The following TIAM1 variants were observed in gnomAD, a reference collection of about 807,000 sequenced individuals.
The protein encoded by TIAM1 is rho guanine nucleotide exchange factor TIAM1.
TIAM1 carries 65 observed loss-of-function variants against 163.5 expected under a neutral mutation model. That is an observed-to-expected ratio of 0.40 (90% confidence interval 0.33 to 0.49). TIAM1 has a LOEUF of 0.49. Ranked by LOEUF, TIAM1 falls within the 20% of genes least tolerant of loss-of-function variation. TIAM1 has a pLI of 0.77. For synonymous variants in TIAM1, 833 were observed against 810.1 expected, an observed-to-expected ratio of 1.03 and a Z score of -0.48; for missense variants, 1,789 against 2,044.7, an observed-to-expected ratio of 0.87 and a Z score of 2.41.
At chr21:31,442,918 G>T (rs550202369) in intron 2 of TIAM1, among the ~76,000 whole-genome samples, 1 of 152,224 alleles carries the variant, frequency 6.6e-6, no homozygotes, top group Non-Finnish European at 1.5e-5. Context: ...GAGACGGCCA[G>T]GACCTGAAGA....
chr21:31,293,490 C>T (rs2074111779), intron 2 of TIAM1, among the ~76,000 whole-genome samples: 2 of 152,226 alleles, frequency 1.3e-5, no homozygotes, highest in African/African-American at 4.8e-5. Context: ...CCCCACACAA[C>T]AGACTTTTTC....
intron 1 of TIAM1, among the ~76,000 whole-genome samples, chr21:31,496,333 T>C (rs1409286855): frequency 1.3e-5 from 2 of 151,166 alleles, no homozygotes; most frequent in Admixed American, 6.6e-5. Context: ...CTACCAAAAA[T>C]ACAAAAATTA....
At chr21:31,160,537 G>A (rs1387004065) in intron 16 of TIAM1, 3 of 398,540 alleles carry the variant, frequency 7.5e-6, no homozygotes, top group Non-Finnish European at 1.3e-5. Context: ...GACATCATCA[G>A]GAATGTATTC....
chr21:31,132,185 G>A (rs1568883409), intron 23 of TIAM1, among the ~76,000 whole-genome samples: 1 of 152,206 alleles, frequency 6.6e-6, no homozygotes, highest in South Asian at 2.1e-4. Context: ...CCCTTTGGAG[G>A]CCAACTGGAA....
At chr21:31,512,173 T>G (rs2047230522) in intron 1 of TIAM1, among the ~76,000 whole-genome samples, 1 of 152,092 alleles carries the variant, frequency 6.6e-6, no homozygotes, top group African/African-American at 2.4e-5. Context: ...CTTGGCTCAC[T>G]GCAGCCTTGA....
chr21:31,141,079 C>A lies in TIAM1; in HGVS notation c.3774+39G>T. On this transcript the variant is annotated intron_variant, in intron 22 of 27. Coordinates refer to ENST00000541036, the MANE Select transcript of TIAM1 (RefSeq NM_001353694.2). The surrounding 1 kb of genome is among the most constrained non-coding windows in gnomAD (Gnocchi z 4.7). The stretch of plus-strand genomic sequence containing the variant: ...TAAATAAAAGCAAACTCAAACTCGG[C>A]TTTCCTGACAGATGTCCTGAGAAGA... 1 of 1,494,316 alleles carries A rather than the reference C, an allele frequency of 6.7e-7. No individual in the cohort carries two copies. The highest frequency in any genetic ancestry group is 9.1e-7 in the Non-Finnish European group (1 of 1,100,556). 92.6% of individuals were successfully genotyped at this position (1,494,316 alleles called of 1,614,324 possible). A position where few individuals can be genotyped will look rare whatever the true frequency, so the allele number is the denominator to read the frequency against.
chr21:31,242,967 A>G (rs1273526549), intron 6 of TIAM1, among the ~76,000 whole-genome samples: 2 of 150,866 alleles, frequency 1.3e-5, no homozygotes, highest in African/African-American at 4.8e-5. Context: ...CAGGTGGATT[A>G]CCTGAGGTCA....
At chr21:31,381,390 G>T (rs913407073) in intron 2 of TIAM1, among the ~76,000 whole-genome samples, 1 of 152,034 alleles carries the variant, frequency 6.6e-6, no homozygotes, top group Non-Finnish European at 1.5e-5. Context: ...CCAGGCAGCC[G>T]GGCACAGTGG....
Position 31,120,892 on chromosome 21 carries a change from T to G in TIAM1, c.4307-55A>C, listed in dbSNP as rs1317290868. The G allele has an allele frequency of 8.8e-6, 13 of 1,476,894 alleles. No homozygotes were observed. Among genetic ancestry groups the G allele is most frequent in the Non-Finnish European group, 1.1e-5 (12 of 1,110,540 alleles). The allele number at this position is 1,476,894 out of a possible 1,614,324, so 91.5% of individuals were successfully genotyped here. Reference sequence around the variant, plus strand: ...AAACCCCCACATGCTTTACGTGAGATGAAAATCCAGAAAGCAAAGGACAGG... The same window carrying G: ...AAACCCCCACATGCTTTACGTGAGAGGAAAATCCAGAAAGCAAAGGACAGG... On this transcript the variant is annotated intron_variant, in intron 27 of 27. Transcript: ENST00000541036. This position sits in a 1 kb window ranked among gnomAD's most constrained non-coding sequence, Gnocchi z 4.2.
chr21:31,429,866 C>G (rs574292966), intron 2 of TIAM1, among the ~76,000 whole-genome samples: 15 of 152,238 alleles, frequency 9.9e-5, no homozygotes, highest in South Asian at 6.2e-4. Flanking sequence ...CCTGGCCCAG[C>G]CAGAGGCAGA....
intron 1 of TIAM1, among the ~76,000 whole-genome samples, chr21:31,541,907 T>C (rs971525847): frequency 6.6e-6 from 1 of 152,242 alleles, no homozygotes; most frequent in African/African-American, 2.4e-5. Flanking sequence ...AGCTAAGTGC[T>C]TGCCCAACTG....
At chr21:31,468,196 T>C (rs963872788) in intron 1 of TIAM1, among the ~76,000 whole-genome samples, 2 of 151,394 alleles carry the variant, frequency 1.3e-5, no homozygotes, top group Non-Finnish European at 2.9e-5. Context: ...GAAGGGTTGG[T>C]CACACACAGT....
intron 1 of TIAM1, among the ~76,000 whole-genome samples, chr21:31,476,669 T>C (rs1169678659): frequency 6.6e-6 from 1 of 152,198 alleles, no homozygotes; most frequent in Non-Finnish European, 1.5e-5. Context: ...AATCGATCCA[T>C]GCACGGAGGG....
chr21:31,141,162 C>A lies in TIAM1; in HGVS notation c.3730G>T (p.Val1244Leu), dbSNP rs372491174. 6.2e-7 allele frequency: 1 copy of A among 1,614,220 alleles called. No homozygotes were observed. Among genetic ancestry groups the A allele is most frequent in the Non-Finnish European group, 8.5e-7 (1 of 1,180,032 alleles). The change falls in exon 22 of 28, where the codon GTG (valine) becomes TTG (leucine). Residue 1244 changes from valine to leucine, a missense_variant. By Grantham distance (32) the Val-to-Leu change is conservative (BLOSUM62 1). This residue lies in a region of TIAM1 where 60 missense variants were observed against 132.6 expected (regional missense o/e 0.45). Transcript: ENST00000541036. The surrounding 1 kb of genome is among the most constrained non-coding windows in gnomAD (Gnocchi z 4.7). ...TGTTCAGCAATCAGCTGGTCAAACA[C>A]AGCCCCAAACTCTTCATGGATTTTC... is the stretch of plus-strand genomic sequence containing the variant. ...MQKIHEEFGA[V>L]FDQLIAEQTG...
intron 2 of TIAM1, among the ~76,000 whole-genome samples, chr21:31,414,627 T>C (rs2043311042): frequency 1.3e-5 from 2 of 152,186 alleles, no homozygotes; most frequent in African/African-American, 2.4e-5. Flanking sequence ...TTAAAGAGTG[T>C]CTACGTCAGG....
chr21:31,239,024 G>A (rs1195292257), intron 6 of TIAM1, among the ~76,000 whole-genome samples: 6 of 152,120 alleles, frequency 3.9e-5, no homozygotes, highest in Admixed American at 1.3e-4. Context: ...CATAGCCACC[G>A]ATCTCACAAT....
chr21:31,367,978 G>A (rs1311519010), intron 2 of TIAM1, among the ~76,000 whole-genome samples: 1 of 152,128 alleles, frequency 6.6e-6, no homozygotes, highest in African/African-American at 2.4e-5. Flanking sequence ...GGATCAATGA[G>A]CTGAACCCAA....
chr21:31,513,058 C>G (rs1162724325), intron 1 of TIAM1, among the ~76,000 whole-genome samples: 1 of 152,160 alleles, frequency 6.6e-6, no homozygotes, highest in African/African-American at 2.4e-5. Context: ...CTGCTCTATG[C>G]TAAAAATTCA....
intron 1 of TIAM1, among the ~76,000 whole-genome samples, chr21:31,557,527 TTG>T (rs2048921663): frequency 6.6e-6 from 1 of 152,126 alleles, no homozygotes; most frequent in African/African-American, 2.4e-5. Flanking sequence ...ATCACCCAGC[TTG>T]TGAGTGACAC....
Sources: gnomAD v4.1 joint callset for allele counts (sites outside exome capture counted in the v4.1 genomes callset) on GRCh38, gnomAD v4.1.1 for gene constraint, gnomAD v4.1.1 regional missense constraint, Gnocchi (gnomAD v3.1) non-coding constraint, MANE v1.5 for transcripts, NCBI Gene and HGNC (gene_info 2026-07-23, HGNC 2026-07-21) for gene names.